The following GRID1 variants were observed in gnomAD, a reference collection of about 807,000 sequenced individuals.
GRID1 encodes glutamate receptor ionotropic, delta-1.
GRID1 carries 28 observed loss-of-function variants against 98.0 expected under a neutral mutation model. The observed-to-expected ratio is 0.29, with a 90% CI of 0.21 to 0.39. The LOEUF is 0.39. GRID1 is among the 10% of genes least tolerant of loss of function. The pLI, the probability that GRID1 is intolerant of heterozygous loss-of-function variation, is 1.00. For synonymous variants in GRID1, 553 were observed against 538.5 expected, an observed-to-expected ratio of 1.03 and a Z score of -0.37; for missense variants, 1,111 against 1,340.5, an observed-to-expected ratio of 0.83 and a Z score of 2.67.
chr10:86,254,030 C>T (rs554896468), intron 2 of GRID1, among the ~76,000 whole-genome samples: 7 of 152,178 alleles, frequency 4.6e-5, no homozygotes, highest in African/African-American at 1.2e-4. Context: ...CACCTGTCAC[C>T]GCCACCCCCT....
At chr10:85,880,422 C>A (rs150962714) in intron 5 of GRID1, among the ~76,000 whole-genome samples, 1 of 152,160 alleles carries the variant, frequency 6.6e-6, no homozygotes, top group Non-Finnish European at 1.5e-5. Flanking sequence ...AGCTTGTCCA[C>A]CATGATCCAG....
chr10:85,951,593 T>C (rs1044587095), intron 4 of GRID1, among the ~76,000 whole-genome samples: 2 of 152,234 alleles, frequency 1.3e-5, no homozygotes, highest in African/African-American at 4.8e-5. Flanking sequence ...CCACCCTCTA[T>C]GCCTTATGAA....
chr10:86,026,358 T>G (rs1564653403), intron 4 of GRID1, among the ~76,000 whole-genome samples: 1 of 152,214 alleles, frequency 6.6e-6, no homozygotes, highest in Non-Finnish European at 1.5e-5. Flanking sequence ...AACAGTTTGT[T>G]AATTTTCAAA....
rs370761830 is a variant in GRID1 at position 85,982,501 on chromosome 10, T to A, written c.727-66262A>T. 3.4e-3 allele frequency among the ~76,000 whole-genome samples: 517 copies of A among 152,146 alleles called. 6 individuals are homozygous for A. Among genetic ancestry groups the A allele is most frequent in the African/African-American group, 0.012 (497 of 41,502 alleles). ...CGAGGACGCCTGTGGCCATTGTCCA[T>A]CAGGTGAGAACCAAGGGTGAATGGG... On this transcript the variant is annotated intron_variant, in intron 4 of 15. Coordinates refer to ENST00000327946, the MANE Select transcript of GRID1 (RefSeq NM_017551.3).
At chr10:85,910,960 C>G (rs1000243728) in intron 5 of GRID1, among the ~76,000 whole-genome samples, 2 of 152,124 alleles carry the variant, frequency 1.3e-5, no homozygotes, top group Admixed American at 6.5e-5. Context: ...AAAGAAAAAC[C>G]CTGCCAAAAC....
rs145994814 is a variant in GRID1, at chr10:86,084,300, C to T, written c.726+54519G>A. Among the ~76,000 whole-genome samples, 1,454 of 150,226 alleles carry T rather than the reference C, an allele frequency of 9.7e-3. 23 individuals carry two copies. Among genetic ancestry groups the T allele is most frequent in the African/African-American group, 0.034 (1,376 of 40,754 alleles). Reference sequence around the variant, plus strand: ...GGAGGCCTTATACTCATTAGGATGGCTACTATCAAAAGAAAGAAAGGAAGG... The same window carrying T: ...GGAGGCCTTATACTCATTAGGATGGTTACTATCAAAAGAAAGAAAGGAAGG... On this transcript the variant is annotated intron_variant, in intron 4 of 15. Transcript: ENST00000327946.
intron 8 of GRID1, among the ~76,000 whole-genome samples, chr10:85,733,245 G>T (rs908459286): frequency 6.6e-6 from 1 of 152,188 alleles, no homozygotes; most frequent in Admixed American, 6.5e-5. Context: ...TGAGTCAGCT[G>T]TGGCATTGGG....
Position 85,624,680 on chromosome 10 carries a change from GA to G in GRID1, c.2194-4648del, listed in dbSNP as rs368847575. 8.8e-3 allele frequency among the ~76,000 whole-genome samples: 1,332 copies of G among 152,226 alleles called. 28 individuals are homozygous for G. The highest frequency in any genetic ancestry group is 0.029 in the African/African-American group (1,202 of 41,528). On this transcript the variant is annotated intron_variant, in intron 13 of 15. Coordinates refer to ENST00000327946, the MANE Select transcript of GRID1 (RefSeq NM_017551.3). ...TAATATCTAGTGGTAAAGAAACTGT[GA>G]AAAAAATGTGCGTAATCCTTCATGG... is the stretch of plus-strand genomic sequence containing the variant.
chr10:85,842,881 T>A (rs1224427386), intron 8 of GRID1, among the ~76,000 whole-genome samples: 1 of 152,100 alleles, frequency 6.6e-6, no homozygotes, highest in Non-Finnish European at 1.5e-5. Flanking sequence ...TGTTCCTACA[T>A]ATTTTATGAG....
At chr10:85,869,923 T>C (rs1843260669) in intron 5 of GRID1, among the ~76,000 whole-genome samples, 2 of 152,164 alleles carry the variant, frequency 1.3e-5, no homozygotes, top group African/African-American at 4.8e-5. Context: ...CTGTGGAGCA[T>C]AGAAATAGCA....
At chr10:85,974,065 T>C (rs1449636839) in intron 4 of GRID1, among the ~76,000 whole-genome samples, 6 of 152,194 alleles carry the variant, frequency 3.9e-5, no homozygotes, top group Non-Finnish European at 5.9e-5. Flanking sequence ...ACCTGGGGCA[T>C]ATTCTCTTTA....
intron 8 of GRID1, among the ~76,000 whole-genome samples, chr10:85,788,602 T>C (rs898040940): frequency 3.9e-5 from 6 of 152,202 alleles, no homozygotes; most frequent in Non-Finnish European, 5.9e-5. Flanking sequence ...CCACAGACTT[T>C]TTCAGGCCTG....
chr10:86,204,431 G>A (rs965437380), intron 3 of GRID1, among the ~76,000 whole-genome samples: 2 of 152,234 alleles, frequency 1.3e-5, no homozygotes, highest in African/African-American at 2.4e-5. Context: ...GACAAGCCAA[G>A]AGCAGGCTGA....
At chr10:86,126,503 T>C (rs1055322574) in intron 4 of GRID1, among the ~76,000 whole-genome samples, 3 of 152,128 alleles carry the variant, frequency 2.0e-5, no homozygotes, top group Non-Finnish European at 2.9e-5. Flanking sequence ...CTAGGACCAC[T>C]GTGCTAAGAA....
chr10:85,775,582 G>A (rs1363390404), intron 8 of GRID1, among the ~76,000 whole-genome samples: 1 of 152,016 alleles, frequency 6.6e-6, no homozygotes, highest in Non-Finnish European at 1.5e-5. Context: ...CTAACTATTG[G>A]GTACTATGCT....
intron 3 of GRID1, among the ~76,000 whole-genome samples, chr10:86,188,478 A>T (rs1344704957): frequency 6.6e-6 from 1 of 152,192 alleles, no homozygotes; most frequent in East Asian, 1.9e-4. Flanking sequence ...TCCCCCTGCC[A>T]GCCCGCTGTC....
chr10:85,987,018 T>C (rs1218045449), intron 4 of GRID1, among the ~76,000 whole-genome samples: 1 of 152,056 alleles, frequency 6.6e-6, no homozygotes, highest in African/African-American at 2.4e-5. Flanking sequence ...GTCAGGACTT[T>C]CCTGCCCCAC....
chr10:86,317,119 T>A (rs889568460), intron 2 of GRID1, among the ~76,000 whole-genome samples: 1 of 152,168 alleles, frequency 6.6e-6, no homozygotes, highest in African/African-American at 2.4e-5. Flanking sequence ...CTTGCCTCTC[T>A]GCAGAAGGCA....
intron 3 of GRID1, among the ~76,000 whole-genome samples, chr10:86,191,897 C>T (rs1284773605): frequency 6.6e-6 from 1 of 152,036 alleles, no homozygotes; most frequent in Admixed American, 6.6e-5. Context: ...CTGATGGCAC[C>T]CCTGCTGATC....
Sources: allele counts gnomAD v4.1 joint callset (sites outside exome capture counted in the v4.1 genomes callset), GRCh38; gene constraint gnomAD v4.1.1; transcripts MANE v1.5; gene names NCBI Gene and HGNC (gene_info 2026-07-23, HGNC 2026-07-21).